Variants in NKTR observed in about 807,000 individuals in gnomAD.
NKTR encodes natural killer cell triggering receptor.
Under a neutral mutation model 156.3 loss-of-function variants are expected in NKTR, and 67 were observed. The ratio of observed to expected loss-of-function variants is 0.43; its 90% CI spans 0.35 to 0.53. The LOEUF is 0.53. Among genes scored for constraint, NKTR ranks in the 20% least tolerant of loss-of-function variants. The pLI, the probability that NKTR is intolerant of heterozygous loss-of-function variation, is 0.01. For synonymous variants in NKTR, 640 were observed against 596.6 expected, an observed-to-expected ratio of 1.07 and a Z score of -1.06; for missense variants, 1,604 against 1,730.9, an observed-to-expected ratio of 0.93 and a Z score of 1.30.
rs1451078239 is a variant in NKTR at position 42,638,337 on chromosome 3, A to G, written c.2633A>G (p.Lys878Arg). 1.2e-6 allele frequency: 2 copies of G among 1,611,116 alleles called. No individual in the cohort carries two copies. Among genetic ancestry groups the G allele is most frequent in the Non-Finnish European group, 1.7e-6 (2 of 1,179,250 alleles). ...AGAAATGGCAGTAAGCCCAAAAGGA[A>G]GAATTATGCTGGTAGTAAATGGGAC... Reference protein sequence around the residue: ...HLRNGSKPKRKNYAGSKWDSE... With the variant: ...HLRNGSKPKRRNYAGSKWDSE... Residue 878 changes from lysine (K) to arginine (R), a missense_variant, in exon 13 of 17, where the codon AAG becomes AGG. Physicochemically the swap from Lys to Arg is conservative, Grantham distance 26. Coordinates refer to ENST00000232978, the MANE Select transcript of NKTR (RefSeq NM_005385.4).
intron 6 of NKTR, chr3:42,627,215 G>A (rs1019903269): frequency 4.1e-6 from 4 of 984,222 alleles, no homozygotes; most frequent in Non-Finnish European, 4.8e-6. Flanking sequence ...GTGTTACACC[G>A]TGCGCTCCAA....
rs1224039700 is a variant in NKTR, at chr3:42,600,907, C to T, written c.-23-77C>T. ...TGAGGCACCGTGGCGCGGACTTCGT[C>T]TCAGCCCCGCCCTCGCCCCTGCCCT... is the stretch of plus-strand genomic sequence containing the variant. On this transcript the variant is annotated intron_variant, in intron 1 of 16. Transcript: ENST00000232978. The T allele has an allele frequency of 7.5e-6, 7 of 929,894 alleles. 1 individual carries two copies. In the Admixed American group the frequency reaches 1.5e-4, roughly 20 times the overall value. 57.6% of individuals were successfully genotyped at this position (929,894 alleles called of 1,614,324 possible).
At chr3:42,627,578 C>T in intron 6 of NKTR, 1 of 984,994 alleles carries the variant, frequency 1.0e-6, no homozygotes. Flanking sequence ...TTTGGAGTAG[C>T]AGTGACACTT....
chr3:42,645,322 T>C (rs1164148593), intron 16 of NKTR, among the ~76,000 whole-genome samples: 1 of 152,232 alleles, frequency 6.6e-6, no homozygotes, highest in African/African-American at 2.4e-5. Context: ...TTTCCTAAGA[T>C]GTGATGTTTC....
At chr3:42,607,033 C>G (rs1043041669) in intron 2 of NKTR, among the ~76,000 whole-genome samples, 2 of 146,772 alleles carry the variant, frequency 1.4e-5, no homozygotes, top group East Asian at 4.2e-4. Flanking sequence ...AGTTTACCCT[C>G]ATATGAAGAT....
In NKTR at chr3:42,638,106, G is replaced by A; in HGVS notation, c.2402G>A (p.Ser801Asn). Reference protein sequence around the residue: ...RSSCVRKYSESRSSLDYSSDS... With the variant: ...RSSCVRKYSENRSSLDYSSDS... ...TCATGTGTGAGAAAGTATAGCGAGA[G>A]CAGATCATCTTTAGATTATTCTTCA... The change falls in exon 13 of 17, where the codon AGC becomes AAC. Residue 801 changes from serine (S) to asparagine (N), a missense_variant. Around this residue, in one of 6 missense-constraint regions of NKTR, gnomAD observed 1,255 missense variants for 1,243.7 expected, o/e 1.01. Transcript: ENST00000232978. 1 of 1,614,046 alleles carries A rather than the reference G, an allele frequency of 6.2e-7. No individual in the cohort carries two copies. Among genetic ancestry groups the A allele is most frequent in the Non-Finnish European group, 8.5e-7 (1 of 1,180,026 alleles).
At chr3:42,600,956 T>TCGCCCCCGCCCTCGCCCCTGCCCA in intron 1 of NKTR, 28 bp from the exon 2 acceptor site, 1 of 1,358,822 alleles carries the variant, frequency 7.4e-7, no homozygotes, top group Non-Finnish European at 1.0e-6. Context: ...GCCCCTGCCC[T>TCGCCCCCGCCCTCGCCCCTGCCCA]GACCGCTTTT....
Position 42,617,620 on chromosome 3 carries a change from A to G in NKTR, c.109A>G (p.Lys37Glu). 1 of 1,601,150 alleles carries G rather than the reference A, an allele frequency of 6.2e-7. No individual in the cohort carries two copies. Reference protein sequence around the residue: ...LFSDICPKTCKNFLCLCSGEK... With the variant: ...LFSDICPKTCENFLCLCSGEK... ...CTCAGACATATGTCCAAAAACATGC[A>G]AAAACTTCCTTTGCTTGTGCTCAGG... The change falls in exon 3 of 17, where the codon AAA becomes GAA. Residue 37 changes from lysine to glutamate, a missense_variant. Lys to Glu is a moderately conservative substitution (Grantham distance 56). This residue lies in a region of NKTR where 73 missense variants were observed against 90.7 expected (regional missense o/e 0.80). Coordinates refer to ENST00000232978, the MANE Select transcript of NKTR (RefSeq NM_005385.4).
chr3:42,613,183 C>T (rs189196670), intron 2 of NKTR, among the ~76,000 whole-genome samples: 47 of 152,182 alleles, frequency 3.1e-4, no homozygotes, highest in African/African-American at 1.1e-3. Flanking sequence ...AATGATAGCT[C>T]ATATTGTGTA....
At chr3:42,631,431 GA>G in intron 8 of NKTR, 115 bp downstream of exon 8, 1 of 1,152,478 alleles carries the variant, frequency 8.7e-7, no homozygotes. Context: ...TGGTGCCCCT[GA>G]ATCATACCCT....
intron 9 of NKTR, 88 bp from the exon 10 acceptor site, chr3:42,633,492 T>G (rs777299106): frequency 2.9e-5 from 44 of 1,521,248 alleles, no homozygotes; most frequent in Non-Finnish European, 3.3e-5. Flanking sequence ...TCGTTAATTA[T>G]GCTGTTGTTT....
rs1307948798 is a variant in NKTR, at chr3:42,648,381, C to T, written c.*2406C>T. 3.3e-5 allele frequency: 5 copies of T among 152,170 alleles called. No individual in the cohort carries two copies. The highest frequency in any genetic ancestry group is 1.2e-4 in the African/African-American group (5 of 41,436). The allele number at this position is 152,170 out of a possible 1,614,324, so 9.4% of individuals were successfully genotyped here. A position where few individuals can be genotyped will look rare whatever the true frequency, so the allele number is the denominator to read the frequency against. ...ACCCAGAAAAGATAGGCCCTAGAAG[C>T]CTCATTTCTTTTCTCCATGGAAAAG... On this transcript the variant is annotated 3_prime_UTR_variant, in exon 17 of 17. Transcript: ENST00000232978.
At chr3:42,632,494 T>A in intron 8 of NKTR, 107 bp from the exon 9 acceptor site, 1 of 666,636 alleles carries the variant, frequency 1.5e-6, no homozygotes. Context: ...TCATTTTTTG[T>A]TTGCTGTATG....
intron 6 of NKTR, 82 bp from the exon 7 acceptor site, chr3:42,630,464 A>G: frequency 6.3e-7 from 1 of 1,598,662 alleles, no homozygotes; most frequent in Non-Finnish European, 8.5e-7. Context: ...TGTTCTCTAC[A>G]TGCTGTGTTT....
chr3:42,607,969 CTTTTTTTTTTTTTTTTTTTTTTTTTTT>C (rs201803926), intron 2 of NKTR, among the ~76,000 whole-genome samples: 80 of 74,970 alleles, frequency 1.1e-3, no homozygotes, highest in Middle Eastern at 9.4e-3. Flanking sequence ...CTGAGTCGCT[CTTTTTTTTTTTTTTTTTTTTTTTTTTT>C]TTTTTTTTTT....
chr3:42,628,694 A>G lies in NKTR; in HGVS notation c.375-1852A>G, dbSNP rs1011012388. On this transcript the variant is annotated intron_variant, in intron 6 of 16. Coordinates refer to ENST00000232978, the MANE Select transcript of NKTR (RefSeq NM_005385.4). ...GGGGCTGATCCCTTACACTGTAGAA[A>G]AATTTACTTTTTTAAAAGCCCTTTT... is the stretch of plus-strand genomic sequence containing the variant. 7 of 985,236 alleles carry G rather than the reference A, an allele frequency of 7.1e-6. No homozygotes were observed. The African/African-American group carries it at 1.0e-4, about 15-fold the overall frequency. The allele number at this position is 985,236 out of a possible 1,614,324, so 61.0% of individuals were successfully genotyped here. A position where few individuals can be genotyped will look rare whatever the true frequency, so the allele number is the denominator to read the frequency against.
chr3:42,620,463 T>C, intron 5 of NKTR: 3 of 989,536 alleles, frequency 3.0e-6, no homozygotes, highest in Non-Finnish European at 3.6e-6. Flanking sequence ...AAATCTAATA[T>C]TACTAGGTTT....
chr3:42,601,138 A>G (rs1705386996), intron 2 of NKTR, 74 bp downstream of exon 2: 1 of 1,266,978 alleles, frequency 7.9e-7, no homozygotes, highest in African/African-American at 1.7e-5. Flanking sequence ...ACCCTCAGCA[A>G]CCCTCCCCCG....
intron 6 of NKTR, chr3:42,623,710 C>G (rs1461303041): frequency 2.0e-5 from 3 of 152,106 alleles, no homozygotes; most frequent in Non-Finnish European, 4.4e-5. Flanking sequence ...GATAATAGCT[C>G]TGATGGTCAC....
Sources: gnomAD v4.1 joint callset for allele counts (sites outside exome capture counted in the v4.1 genomes callset) on GRCh38, gnomAD v4.1.1 for gene constraint, gnomAD v4.1.1 regional missense constraint, MANE v1.5 for transcripts, NCBI Gene and HGNC (gene_info 2026-07-23, HGNC 2026-07-21) for gene names.